LRRC63: variants seen among roughly 807,000 people sequenced by gnomAD.
LRRC63 encodes leucine-rich repeat-containing protein 63.
LRRC63 carries 40 observed loss-of-function variants against 49.5 expected under a neutral mutation model. The observed-to-expected ratio is 0.81, with a 90% CI of 0.63 to 1.05. The LOEUF is 1.05. Ranked by LOEUF, LRRC63 falls within the 50% of genes least tolerant of loss-of-function variation. The pLI is 0.00. For synonymous variants in LRRC63, 191 were observed against 221.1 expected (o/e 0.86, Z 1.21); for missense variants, 636 against 663.1 (o/e 0.96, Z 0.45).
At chr13:46,213,046 C>G in exon 2 of LRRC63, 1 of 1,547,990 alleles carries the variant, frequency 6.5e-7, no homozygotes, top group Non-Finnish European at 8.7e-7. Flanking sequence ...TGCAAAAGCC[C>G]CCACTGCTTC....
intron 9 of LRRC63, among the ~76,000 whole-genome samples, chr13:46,273,872 A>G (rs2047794284): frequency 6.6e-6 from 1 of 150,684 alleles, no homozygotes; most frequent in Non-Finnish European, 1.5e-5. Flanking sequence ...AGATCATGCC[A>G]GTGGACTCCA....
rs543877357 is a variant in LRRC63, at chr13:46,250,097, T to G, written c.1090-258T>G. The G allele has an allele frequency of 2.3e-5, 5 of 218,762 alleles. No individual in the cohort carries two copies. The East Asian group carries it at 4.8e-4, about 21-fold the overall frequency. 13.6% of individuals were successfully genotyped at this position (218,762 alleles called of 1,614,324 possible). ...GTGAGCTTGATCAGAAAGGGTAACT[T>G]TCACACTTAGGAAAGCACCATTCTT... On this transcript the variant is annotated intron_variant, in intron 6 of 9. Coordinates refer to ENST00000595396, the Ensembl canonical transcript of LRRC63.
chr13:46,242,865 T>TG (rs1167812942), intron 5 of LRRC63, among the ~76,000 whole-genome samples: 1 of 151,790 alleles, frequency 6.6e-6, no homozygotes, highest in Non-Finnish European at 1.5e-5. Flanking sequence ...TAACAAAAGA[T>TG]GAAGGAATTC....
Position 46,246,557 on chromosome 13 carries a change from A to AC in LRRC63, c.1022dup (p.Pro342ThrfsTer10). 1 of 1,468,472 alleles carries AC rather than the reference A, an allele frequency of 6.8e-7. No individual in the cohort carries two copies. Among genetic ancestry groups the AC allele is most frequent in the South Asian group, 1.4e-5 (1 of 69,388 alleles). 91.0% of individuals were successfully genotyped at this position (1,468,472 alleles called of 1,614,324 possible). A position where few individuals can be genotyped will look rare whatever the true frequency, so the allele number is the denominator to read the frequency against. Reference sequence around the variant, plus strand: ...TTTTATCCTAAATTGTCCAGACTTAACACCTTTGGCTTTCCAGTTGATATA... The same window carrying AC: ...TTTTATCCTAAATTGTCCAGACTTAACCACCTTTGGCTTTCCAGTTGATATA... On this transcript the variant is annotated frameshift_variant, in exon 6 of 10. Transcript: ENST00000595396. LOFTEE classifies it high-confidence loss of function.
chr13:46,249,930 C>A (rs9595444), intron 6 of LRRC63: 13,689 of 152,170 alleles, frequency 0.09, 2,002 homozygotes, highest in African/African-American at 0.31. Flanking sequence ...ATCAGTGTAC[C>A]TGAAATTACT....
chr13:46,214,592 C>CT (rs1045194077), intron 2 of LRRC63, among the ~76,000 whole-genome samples: 50 of 151,288 alleles, frequency 3.3e-4, no homozygotes, highest in African/African-American at 1.1e-3. Flanking sequence ...TCCAAAGGCT[C>CT]TTGACAGAGG....
chr13:46,243,087 C>G (rs1032992835), intron 5 of LRRC63, among the ~76,000 whole-genome samples: 2 of 152,228 alleles, frequency 1.3e-5, no homozygotes, highest in East Asian at 1.9e-4. Context: ...AAAGACAAAA[C>G]TATTAAAAAC....
chr13:46,267,073 ACT>A, intron 9 of LRRC63, 101 bp downstream of exon 9: 5 of 1,059,370 alleles, frequency 4.7e-6, no homozygotes, highest in Non-Finnish European at 6.6e-6. Context: ...ATGCACACAT[ACT>A]CCATGACACA....
chr13:46,242,037 T>G (rs2047077658), intron 5 of LRRC63, among the ~76,000 whole-genome samples: 1 of 152,206 alleles, frequency 6.6e-6, no homozygotes, highest in African/African-American at 2.4e-5. Flanking sequence ...CAGCACTATT[T>G]GTGATAACAA....
chr13:46,267,816 T>C (rs756158607), intron 9 of LRRC63, among the ~76,000 whole-genome samples: 2 of 152,132 alleles, frequency 1.3e-5, no homozygotes, highest in African/African-American at 4.8e-5. Context: ...ACCTAACTAG[T>C]GTGTGGTAAA....
chr13:46,213,116 A>ACAGGTATGTGTATTAAT lies in LRRC63; in HGVS notation c.85+1_85+17dup. On this transcript the variant is annotated frameshift_variant, in exon 2 of 10. Transcript: ENST00000595396. LOFTEE classifies it high-confidence loss of function. ...GTCTTTACATGAGAAAAAAACCCATACAGGTATGTGTATTAATCAGATATG... is the reference window on the plus strand; with the variant it reads ...GTCTTTACATGAGAAAAAAACCCATACAGGTATGTGTATTAATCAGGTATGTGTATTAATCAGATATG... The ACAGGTATGTGTATTAAT allele has an allele frequency of 6.5e-7, 1 of 1,537,162 alleles. No individual in the cohort carries two copies. Among genetic ancestry groups the ACAGGTATGTGTATTAAT allele is most frequent in the Non-Finnish European group, 8.8e-7 (1 of 1,136,448 alleles).
chr13:46,244,375 G>A (rs1391814199), intron 5 of LRRC63, among the ~76,000 whole-genome samples: 1 of 152,108 alleles, frequency 6.6e-6, no homozygotes, highest in Non-Finnish European at 1.5e-5. Flanking sequence ...CCTTAAAGAA[G>A]TCACTTTTTT....
chr13:46,266,533 G>C (rs560098688), intron 8 of LRRC63, among the ~76,000 whole-genome samples, 200 bp from the exon 9 acceptor site: 54 of 152,004 alleles, frequency 3.6e-4, no homozygotes, highest in Admixed American at 5.2e-4. Context: ...TTCACTCAAA[G>C]GCACTTATTT....
At chr13:46,246,310 T>A (rs948434536) in intron 5 of LRRC63, among the ~76,000 whole-genome samples, 2 of 152,150 alleles carry the variant, frequency 1.3e-5, no homozygotes, top group Non-Finnish European at 2.9e-5. Context: ...AACAGCCTAA[T>A]ACACAGTGCT....
At position 46,276,848 on chromosome 13, in the gene LRRC63, A is replaced by T. The variant is rs917381750; in HGVS notation, c.*45A>T. ...TGTGTGTATATATATATATATATATATATTTATATATATATATATTTATAT... is the reference window on the plus strand; with the variant it reads ...TGTGTGTATATATATATATATATATTTATTTATATATATATATATTTATAT... On this transcript the variant is annotated 3_prime_UTR_variant, in exon 10 of 10. Transcript: ENST00000595396. 309 of 146,078 alleles carry T rather than the reference A, an allele frequency of 2.1e-3. 4 individuals carry two copies. The highest frequency in any genetic ancestry group is 2.7e-3 in the Admixed American group (35 of 12,924). The allele number at this position is 146,078 out of a possible 1,614,324, so 9.0% of individuals were successfully genotyped here. A position where few individuals can be genotyped will look rare whatever the true frequency, so the allele number is the denominator to read the frequency against.
At chr13:46,229,035 G>A (rs2046664853) in intron 4 of LRRC63, among the ~76,000 whole-genome samples, 1 of 151,994 alleles carries the variant, frequency 6.6e-6, no homozygotes, top group Non-Finnish European at 1.5e-5. Context: ...TCAAACAAAT[G>A]AAAATGAAAA....
intron 2 of LRRC63, among the ~76,000 whole-genome samples, chr13:46,224,457 C>T (rs1594018004): frequency 6.6e-6 from 1 of 152,230 alleles, no homozygotes; most frequent in East Asian, 1.9e-4. Context: ...ATTTCTCATT[C>T]ATATCCTGAA....
chr13:46,212,899 G>A, intron 1 of LRRC63, 103 bp from the exon 2 acceptor site: 1 of 619,010 alleles, frequency 1.6e-6, no homozygotes, highest in South Asian at 2.1e-5. Flanking sequence ...ATTCAGTAGA[G>A]TATTGGTACA....
intron 2 of LRRC63, among the ~76,000 whole-genome samples, chr13:46,226,459 T>A (rs1280417984): frequency 6.6e-6 from 1 of 152,228 alleles, no homozygotes; most frequent in African/African-American, 2.4e-5. Flanking sequence ...TTCTCTTATA[T>A]TACTCTGATC....
Sources: allele counts gnomAD v4.1 joint callset (sites outside exome capture counted in the v4.1 genomes callset), GRCh38; gene constraint gnomAD v4.1.1; transcripts MANE v1.5; gene names NCBI Gene and HGNC (gene_info 2026-07-23, HGNC 2026-07-21).